HS6ST3: variants seen among roughly 807,000 people sequenced by gnomAD.
The protein encoded by HS6ST3 is heparan sulfate 6-O-sulfotransferase 3, also known as heparan-sulfate 6-O-sulfotransferase 3.
A neutral mutation model predicts 36.7 loss-of-function variants in HS6ST3; 12 were observed. That is an observed-to-expected ratio of 0.33 (90% CI 0.21 to 0.53). The LOEUF (loss-of-function observed/expected upper bound fraction) is 0.53, where lower values mean the gene tolerates loss of function less well. Ranked by LOEUF, HS6ST3 falls within the 20% of genes least tolerant of loss-of-function variation. HS6ST3 has a pLI of 0.95. For missense variants in HS6ST3, 584 were observed against 640.9 expected, an observed-to-expected ratio of 0.91 and a Z score of 0.96; for synonymous variants, 240 against 257.5, an observed-to-expected ratio of 0.93 and a Z score of 0.65.
At chr13:96,673,473 A>G (rs1021366859) in intron 1 of HS6ST3, among the ~76,000 whole-genome samples, 1 of 152,170 alleles carries the variant, frequency 6.6e-6, no homozygotes, top group African/African-American at 2.4e-5. Context: ...TTTAGTCTTC[A>G]TCAATCATTT....
chr13:96,394,568 T>C (rs1474605293), intron 1 of HS6ST3, among the ~76,000 whole-genome samples: 3 of 152,168 alleles, frequency 2.0e-5, no homozygotes, highest in Non-Finnish European at 4.4e-5. Context: ...AAATTAACTT[T>C]AGAGGTGTTA....
At chr13:96,181,233 T>G (rs1193394641) in intron 1 of HS6ST3, among the ~76,000 whole-genome samples, 1 of 152,210 alleles carries the variant, frequency 6.6e-6, no homozygotes, top group Non-Finnish European at 1.5e-5. Flanking sequence ...CAAAATTTCA[T>G]GGTATATTAC....
At chr13:96,481,247 T>C (rs538267575) in intron 1 of HS6ST3, among the ~76,000 whole-genome samples, 1 of 152,176 alleles carries the variant, frequency 6.6e-6, no homozygotes, top group Non-Finnish European at 1.5e-5. Context: ...TCAAGGCTGT[T>C]GAGAAAAACG....
intron 1 of HS6ST3, among the ~76,000 whole-genome samples, chr13:96,206,101 C>A (rs1340959784): frequency 6.6e-6 from 1 of 152,174 alleles, no homozygotes; most frequent in Admixed American, 6.5e-5. Context: ...AGCTGATAAG[C>A]AACTTCAGCA....
At chr13:96,375,480 A>C (rs554374118) in intron 1 of HS6ST3, among the ~76,000 whole-genome samples, 3 of 152,334 alleles carry the variant, frequency 2.0e-5, no homozygotes, top group African/African-American at 4.8e-5. Flanking sequence ...CATTGAATGA[A>C]TGACTTCATT....
chr13:96,703,257 C>T (rs868384986), intron 1 of HS6ST3, among the ~76,000 whole-genome samples: 59 of 152,172 alleles, frequency 3.9e-4, no homozygotes, highest in Middle Eastern at 3.2e-3. Context: ...CTATTGACGT[C>T]GGCATTGCCC....
Position 96,742,700 on chromosome 13 carries a change from G to A in HS6ST3, c.708-89790G>A, listed in dbSNP as rs1876470218. Among the ~76,000 whole-genome samples, 4 of 152,138 alleles carry A rather than the reference G, an allele frequency of 2.6e-5. No homozygotes were observed. The South Asian group carries it at 8.3e-4, about 32-fold the overall frequency. On this transcript the variant is annotated intron_variant, in intron 1 of 1. Coordinates refer to ENST00000376705, the MANE Select transcript of HS6ST3 (RefSeq NM_153456.4). ...TGAGATCATTTTTTCCTAGCAAAAT[G>A]CCAATTTCTAAGTTTATTTCTATAA...
At chr13:96,381,410 GTATCTATC>G (rs78957056) in intron 1 of HS6ST3, among the ~76,000 whole-genome samples, 72,621 of 138,602 alleles carry the variant, frequency 0.52, 18,860 homozygotes, top group Middle Eastern at 0.62. Context: ...ATGTATCTAT[GTATCTATC>G]TATCTATCTA....
chr13:96,609,326 T>C (rs1260483113), intron 1 of HS6ST3, among the ~76,000 whole-genome samples: 2 of 152,158 alleles, frequency 1.3e-5, no homozygotes, highest in East Asian at 1.9e-4. Flanking sequence ...AATATAAATA[T>C]AAAAATTACT....
In HS6ST3 at chr13:96,165,512, G is replaced by A. The variant is rs571909353; in HGVS notation, c.707+73943G>A. ...ACTGGTTAAGACTGCTGGTTATGTT[G>A]TGTTAACAAGTGATCCTAAAATCTT... On this transcript the variant is annotated intron_variant, in intron 1 of 1. Coordinates refer to ENST00000376705, the MANE Select transcript of HS6ST3 (RefSeq NM_153456.4). Among the ~76,000 whole-genome samples the A allele has an allele frequency of 2.4e-4, 37 of 152,326 alleles. No homozygotes were observed. The South Asian group carries it at 7.2e-3, about 30-fold the overall frequency.
chr13:96,555,101 A>G (rs765943210), intron 1 of HS6ST3, among the ~76,000 whole-genome samples: 2 of 151,998 alleles, frequency 1.3e-5, no homozygotes, highest in Non-Finnish European at 2.9e-5. Flanking sequence ...ACATACATAC[A>G]TACATACATA....
intron 1 of HS6ST3, among the ~76,000 whole-genome samples, chr13:96,723,587 C>A (rs1875910974): frequency 6.6e-6 from 1 of 152,222 alleles, no homozygotes; most frequent in South Asian, 2.1e-4. Flanking sequence ...TCATAATCTG[C>A]TTTTCATTAG....
intron 1 of HS6ST3, among the ~76,000 whole-genome samples, chr13:96,533,577 A>G (rs954261127): frequency 2.6e-5 from 4 of 152,210 alleles, no homozygotes; most frequent in African/African-American, 9.6e-5. Flanking sequence ...ACTTCAGAAG[A>G]CATCAACGGG....
chr13:96,498,622 T>C (rs1594794474), intron 1 of HS6ST3, among the ~76,000 whole-genome samples: 1 of 152,320 alleles, frequency 6.6e-6, no homozygotes, highest in Admixed American at 6.5e-5. Flanking sequence ...GTTAATTTTA[T>C]TCCCAGAAGA....
Position 96,768,296 on chromosome 13 carries a change from A to C in HS6ST3, c.708-64194A>C, listed in dbSNP as rs532160626. Among the ~76,000 whole-genome samples, 416 of 152,306 alleles carry C rather than the reference A, an allele frequency of 2.7e-3. 3 individuals carry two copies. The highest frequency in any genetic ancestry group is 9.6e-3 in the African/African-American group (399 of 41,574). On this transcript the variant is annotated intron_variant, in intron 1 of 1. Coordinates refer to ENST00000376705, the MANE Select transcript of HS6ST3 (RefSeq NM_153456.4). ...TAAGGAAAAAGGAAATGGATATTAT[A>C]TATGCAAAAGGGAGAATGCTTAGCG...
intron 1 of HS6ST3, among the ~76,000 whole-genome samples, chr13:96,543,859 C>T (rs1156438308): frequency 6.6e-6 from 1 of 151,872 alleles, no homozygotes; most frequent in Non-Finnish European, 1.5e-5. Flanking sequence ...ATGTTGAATA[C>T]ATCAGGCCAA....
chr13:96,221,703 C>T (rs768804376), intron 1 of HS6ST3, among the ~76,000 whole-genome samples: 23 of 152,072 alleles, frequency 1.5e-4, no homozygotes, highest in Non-Finnish European at 2.6e-4. Flanking sequence ...CTGCAAAAAT[C>T]TCATATATCA....
At chr13:96,651,091 G>T (rs2056605722) in intron 1 of HS6ST3, among the ~76,000 whole-genome samples, 2 of 151,936 alleles carry the variant, frequency 1.3e-5, no homozygotes, top group Admixed American at 1.3e-4. Flanking sequence ...TCTTAGTCTA[G>T]AATTCAAGGT....
At chr13:96,379,736 G>A (rs2055332076) in intron 1 of HS6ST3, among the ~76,000 whole-genome samples, 1 of 152,164 alleles carries the variant, frequency 6.6e-6, no homozygotes, top group Admixed American at 6.5e-5. Context: ...GAAGTATAGT[G>A]TGGGCTTTAG....
Sources: gnomAD v4.1 joint callset for allele counts (sites outside exome capture counted in the v4.1 genomes callset) on GRCh38, gnomAD v4.1.1 for gene constraint, MANE v1.5 for transcripts, NCBI Gene and HGNC (gene_info 2026-07-23, HGNC 2026-07-21) for gene names.